The following SPMIP4 variants were observed in gnomAD, a reference collection of about 807,000 sequenced individuals.
SPMIP4 encodes the protein sperm microtubule inner protein 4, also known as sperm-associated microtubule inner protein 4.
the SPMIP4 span, among the ~76,000 whole-genome samples, chr7:25,153,152 T>G: frequency 2.6e-5 from 4 of 152,208 alleles, no homozygotes; most frequent in African/African-American, 9.7e-5. Context: ...TAGAGGATGC[T>G]CATCTTTTAA....
At chr7:25,151,220 T>C in the SPMIP4 span, among the ~76,000 whole-genome samples, 1 of 130,320 alleles carries the variant, frequency 7.7e-6, no homozygotes, top group African/African-American at 2.7e-5. Context: ...AAATAAACTT[T>C]TAGATTTTTT....
chr7:25,155,404 T>C, the SPMIP4 span, among the ~76,000 whole-genome samples: 1 of 152,332 alleles, frequency 6.6e-6, no homozygotes, highest in Admixed American at 6.5e-5. Flanking sequence ...TTCTTAATTT[T>C]GCTAGACAAA....
chr7:25,130,083 C>T, the SPMIP4 span, among the ~76,000 whole-genome samples: 1 of 151,400 alleles, frequency 6.6e-6, no homozygotes, highest in Non-Finnish European at 1.5e-5. Context: ...ACTAAAAATA[C>T]AAAAAATTAG....
chr7:25,137,998 A>C, the SPMIP4 span, among the ~76,000 whole-genome samples: 7 of 152,234 alleles, frequency 4.6e-5, no homozygotes, highest in African/African-American at 1.7e-4. Context: ...TTTTTGATAA[A>C]TTCAATTTAT....
the SPMIP4 span, among the ~76,000 whole-genome samples, chr7:25,150,342 G>C: frequency 1.3e-5 from 2 of 152,162 alleles, no homozygotes; most frequent in African/African-American, 4.8e-5. Context: ...TATAGATTTT[G>C]CTTAAAAACT....
the SPMIP4 span, chr7:25,136,314 C>T: frequency 1.2e-6 from 2 of 1,614,172 alleles, no homozygotes; most frequent in East Asian, 2.2e-5. This position sits in a 1 kb window ranked among gnomAD's most constrained non-coding sequence, Gnocchi z 5.7. Flanking sequence ...GGTCTGGACA[C>T]ATATTATACT....
chr7:25,142,538 T>G, the SPMIP4 span: 3 of 1,098,126 alleles, frequency 2.7e-6, no homozygotes, highest in Non-Finnish European at 3.9e-6. Flanking sequence ...TTAAATACTT[T>G]GAGAAAAAGG....
the SPMIP4 span, among the ~76,000 whole-genome samples, chr7:25,176,812 C>T: frequency 2.9e-3 from 446 of 152,230 alleles, 1 homozygote; most frequent in African/African-American, 0.01. This position sits in a 1 kb window ranked among gnomAD's most constrained non-coding sequence, Gnocchi z 4.4. Flanking sequence ...TTTATAATTA[C>T]GGAAAAATCA....
At chr7:25,156,907 T>C in the SPMIP4 span, among the ~76,000 whole-genome samples, 1 of 152,130 alleles carries the variant, frequency 6.6e-6, no homozygotes, top group African/African-American at 2.4e-5. Flanking sequence ...CAGGCTGGTC[T>C]TGAACTCCTG....
chr7:25,151,646 C>T, the SPMIP4 span: 126 of 1,611,492 alleles, frequency 7.8e-5, no homozygotes, highest in Non-Finnish European at 1.0e-4. Flanking sequence ...TTCTTTGAAT[C>T]CATGGGAATA....
chr7:25,141,574 GA>G, the SPMIP4 span, among the ~76,000 whole-genome samples: 6,476 of 94,724 alleles, frequency 0.068, 104 homozygotes, highest in African/African-American at 0.11. Flanking sequence ...CTGTCTCAAG[GA>G]AAAAAAAAAA....
chr7:25,144,044 G>C, the SPMIP4 span, among the ~76,000 whole-genome samples: 1 of 152,174 alleles, frequency 6.6e-6, no homozygotes, highest in Non-Finnish European at 1.5e-5. Flanking sequence ...GATGTGCAGA[G>C]ATGTGGAGGC....
the SPMIP4 span, among the ~76,000 whole-genome samples, chr7:25,143,587 T>C: frequency 1.3e-5 from 1 of 74,106 alleles, no homozygotes; most frequent in Non-Finnish European, 2.9e-5. Context: ...AAGACACTTT[T>C]TTTTTTTTTT....
chr7:25,176,880 G>C, the SPMIP4 span, among the ~76,000 whole-genome samples: 1 of 152,242 alleles, frequency 6.6e-6, no homozygotes, highest in African/African-American at 2.4e-5. This position sits in a 1 kb window ranked among gnomAD's most constrained non-coding sequence, Gnocchi z 4.4. Flanking sequence ...ATCTGTGGAA[G>C]TCTGATCGAG....
the SPMIP4 span, chr7:25,179,370 T>A: frequency 6.4e-7 from 1 of 1,564,420 alleles, no homozygotes. Context: ...GCTTGTCGAG[T>A]CAAGGCAGGC....
the SPMIP4 span, chr7:25,135,025 TTAAAA>T: frequency 2.7e-6 from 2 of 738,244 alleles, no homozygotes; most frequent in African/African-American, 3.8e-5. Flanking sequence ...GGTCATAAAA[TTAAAA>T]TAAATATTCA....
chr7:25,146,153 A>AG, the SPMIP4 span, among the ~76,000 whole-genome samples: 8 of 152,184 alleles, frequency 5.3e-5, no homozygotes, highest in African/African-American at 1.9e-4. Flanking sequence ...AGACAGAGAG[A>AG]GAGAGAGAGA....
At chr7:25,141,498 G>C in the SPMIP4 span, among the ~76,000 whole-genome samples, 2 of 146,426 alleles carry the variant, frequency 1.4e-5, no homozygotes, top group African/African-American at 2.5e-5. Flanking sequence ...CTTGAACCAA[G>C]GAGGCGGAGG....
the SPMIP4 span, among the ~76,000 whole-genome samples, chr7:25,145,481 A>C: frequency 1.3e-5 from 2 of 152,054 alleles, no homozygotes; most frequent in Non-Finnish European, 2.9e-5. Context: ...AGTATGTTAA[A>C]GGGATGTTAC....
Sources: allele counts gnomAD v4.1 joint callset (sites outside exome capture counted in the v4.1 genomes callset), GRCh38; gene constraint gnomAD v4.1.1; non-coding constraint Gnocchi (gnomAD v3.1); transcripts MANE v1.5; gene names NCBI Gene and HGNC (gene_info 2026-07-23, HGNC 2026-07-21).